Variants in FRRS1 observed in about 807,000 individuals in gnomAD.
The protein encoded by FRRS1 is ferric chelate reductase 1.
FRRS1 carries 51 observed loss-of-function variants against 70.7 expected under a neutral mutation model. The observed-to-expected ratio is 0.72, with a 90% CI of 0.58 to 0.91. The LOEUF (loss-of-function observed/expected upper bound fraction) is 0.91, where lower values mean the gene tolerates loss of function less well. FRRS1 is among the 40% of genes least tolerant of loss of function. The pLI, the probability that FRRS1 is intolerant of heterozygous loss-of-function variation, is 0.00. For synonymous variants in FRRS1, 225 were observed against 238.7 expected, an observed-to-expected ratio of 0.94 and a Z score of 0.53; for missense variants, 672 against 726.0, an observed-to-expected ratio of 0.93 and a Z score of 0.86.
rs1553169357 is a variant in FRRS1 at position 99,708,625 on chromosome 1, A to AAATAT, written c.*402_*403insATATT. On this transcript the variant is annotated 3_prime_UTR_variant, in exon 17 of 17. Coordinates refer to ENST00000646001, the MANE Select transcript of FRRS1 (RefSeq NM_001361041.2). ...AAAAAAAAAAAAAAAAAAAAAAAAA[A>AAATAT]ATATATATATATATATATATATATA... 1.1e-4 allele frequency: 6 copies of AAATAT among 52,742 alleles called. No individual in the cohort carries two copies. The highest frequency in any genetic ancestry group is 1.8e-4 in the Non-Finnish European group (6 of 32,526). The allele number at this position is 52,742 out of a possible 1,614,324, so 3.3% of individuals were successfully genotyped here. A position where few individuals can be genotyped will look rare whatever the true frequency, so the allele number is the denominator to read the frequency against.
intron 1 of FRRS1, among the ~76,000 whole-genome samples, chr1:99,754,703 A>G (rs191882608): frequency 1.4e-4 from 21 of 152,344 alleles, no homozygotes; most frequent in African/African-American, 4.6e-4. Flanking sequence ...CATAAGATAC[A>G]ACTTAATAAA....
chr1:99,737,878 G>A (rs928276584), intron 7 of FRRS1, among the ~76,000 whole-genome samples: 33 of 151,976 alleles, frequency 2.2e-4, no homozygotes, highest in Non-Finnish European at 2.4e-4. Flanking sequence ...GTGCAGCCGG[G>A]ATTACAAGCG....
Position 99,708,641 on chromosome 1 carries a change from T to A in FRRS1, c.*387A>T, listed in dbSNP as rs866462090. Reference sequence around the variant, plus strand: ...AAAAAAAAAAATATATATATATATATATATATATATATATATATATATCGT... The same window carrying A: ...AAAAAAAAAAATATATATATATATAAATATATATATATATATATATATCGT... On this transcript the variant is annotated 3_prime_UTR_variant, in exon 17 of 17. Coordinates refer to ENST00000646001, the MANE Select transcript of FRRS1 (RefSeq NM_001361041.2). 21 of 115,170 alleles carry A rather than the reference T, an allele frequency of 1.8e-4. No individual in the cohort carries two copies. Among genetic ancestry groups the A allele is most frequent in the South Asian group, 3.1e-4 (1 of 3,188 alleles). 7.1% of individuals were successfully genotyped at this position (115,170 alleles called of 1,614,324 possible).
intron 9 of FRRS1, among the ~76,000 whole-genome samples, chr1:99,721,303 C>A (rs760804211): frequency 1.3e-5 from 2 of 151,224 alleles, no homozygotes; most frequent in East Asian, 3.9e-4. Context: ...CACTTGAACA[C>A]TTGAACCCAG....
chr1:99,706,755 CTGG>C lies in FRRS1; in HGVS notation c.*2270_*2272del, dbSNP rs1557680079. Among the ~76,000 whole-genome samples, 1 of 151,980 alleles carries C rather than the reference CTGG, an allele frequency of 6.6e-6. No individual in the cohort carries two copies. Among genetic ancestry groups the C allele is most frequent in the Non-Finnish European group, 1.5e-5 (1 of 68,004 alleles). The stretch of plus-strand genomic sequence containing the variant: ...CTAAAAATATAAAAATTAGCCGAGA[CTGG>C]TGGTGCACACCTGTAGTCCCAGCTA... On this transcript the variant is annotated 3_prime_UTR_variant, in exon 17 of 17. Transcript: ENST00000646001.
At chr1:99,765,502 G>A in intron 1 of FRRS1, 1 of 152,422 alleles carries the variant, frequency 6.6e-6, no homozygotes, top group South Asian at 2.1e-4. Context: ...TCAGGAGGCT[G>A]AGGCAGGAGA....
chr1:99,711,058 T>G (rs920040074), intron 14 of FRRS1, 109 bp from the exon 15 acceptor site: 5 of 932,172 alleles, frequency 5.4e-6, no homozygotes, highest in Admixed American at 2.8e-5. Context: ...GAGTTTGAGA[T>G]AAAAGAAGAT....
At chr1:99,720,510 T>A (rs1320807945) in intron 9 of FRRS1, among the ~76,000 whole-genome samples, 1 of 152,064 alleles carries the variant, frequency 6.6e-6, no homozygotes, top group East Asian at 1.9e-4. Context: ...TATATGAACC[T>A]TTGTCTAAAA....
intron 1 of FRRS1, among the ~76,000 whole-genome samples, chr1:99,760,524 A>G (rs376870051): frequency 4.8e-4 from 73 of 152,350 alleles, no homozygotes; most frequent in South Asian, 3.9e-3. Flanking sequence ...GAAAAAAATG[A>G]TTTTTTTAAA....
chr1:99,745,639 G>A (rs181772718), intron 4 of FRRS1, among the ~76,000 whole-genome samples: 16 of 152,108 alleles, frequency 1.1e-4, no homozygotes, highest in African/African-American at 1.4e-4. Context: ...AGCTGAGATC[G>A]CACCACTGCA....
intron 4 of FRRS1, among the ~76,000 whole-genome samples, chr1:99,743,283 C>CA (rs954266365): frequency 4.0e-4 from 60 of 151,696 alleles, no homozygotes; most frequent in Admixed American, 1.5e-3. Flanking sequence ...AAAAGAACCC[C>CA]AAAAAAAACT....
intron 1 of FRRS1, among the ~76,000 whole-genome samples, chr1:99,766,038 T>C (rs1367772299): frequency 6.6e-6 from 1 of 152,156 alleles, no homozygotes; most frequent in Non-Finnish European, 1.5e-5. Context: ...AAAAATCCCC[T>C]TTACCCTTTA....
intron 7 of FRRS1, among the ~76,000 whole-genome samples, chr1:99,732,958 C>T (rs1053422265): frequency 1.3e-5 from 2 of 151,938 alleles, no homozygotes; most frequent in Non-Finnish European, 2.9e-5. Context: ...ATCCTCCCAC[C>T]TCAGCCTCCC....
At chr1:99,748,335 C>T (rs977127338) in intron 3 of FRRS1, 11 of 360,278 alleles carry the variant, frequency 3.1e-5, no homozygotes, top group Non-Finnish European at 3.4e-5. Flanking sequence ...GAAGTGATAG[C>T]ACAATTAATA....
At chr1:99,750,526 G>T (rs1234415199) in intron 1 of FRRS1, among the ~76,000 whole-genome samples, 3 of 152,174 alleles carry the variant, frequency 2.0e-5, no homozygotes, top group Non-Finnish European at 4.4e-5. Flanking sequence ...CAAATGCACA[G>T]AGATGGAAAT....
rs28667763 is a variant in FRRS1 at position 99,728,595 on chromosome 1, G to T, written c.904C>A (p.Gln302Lys). 1.2e-4 allele frequency: 196 copies of T among 1,613,770 alleles called. No individual in the cohort carries two copies. The African/African-American group carries it at 2.5e-3, about 20-fold the overall frequency. The change falls in exon 9 of 17, where the codon CAG (glutamine) becomes AAG (lysine). Residue 302 changes from glutamine (Q) to lysine (K), a missense_variant. Coordinates refer to ENST00000646001, the MANE Select transcript of FRRS1 (RefSeq NM_001361041.2). ...GTAATGTTTCTTCTGAAAGAACACT[G>T]CATAACACCGTCCGCCAACCTCCAA... is the stretch of plus-strand genomic sequence containing the variant. ...MAWRLADGVM[Q>K]CSFRRNITLP...
At chr1:99,735,981 G>A (rs1157738832) in intron 7 of FRRS1, among the ~76,000 whole-genome samples, 1 of 152,154 alleles carries the variant, frequency 6.6e-6, no homozygotes, top group Admixed American at 6.5e-5. Context: ...CTAAATGAGT[G>A]CTGTAACTCA....
chr1:99,709,314 A>G, intron 15 of FRRS1, 55 bp from the exon 16 acceptor site: 1 of 1,316,274 alleles, frequency 7.6e-7, no homozygotes, highest in Non-Finnish European at 1.1e-6. Flanking sequence ...GGTAAATTAA[A>G]TTTTTTAAAA....
At chr1:99,740,992 C>T in intron 5 of FRRS1, 52 bp from the exon 6 acceptor site, 1 of 1,474,720 alleles carries the variant, frequency 6.8e-7, no homozygotes, top group Non-Finnish European at 9.4e-7. Context: ...CTGTCACAAT[C>T]AGATCAAAAC....
Sources: allele counts gnomAD v4.1 joint callset (sites outside exome capture counted in the v4.1 genomes callset), GRCh38; gene constraint gnomAD v4.1.1; transcripts MANE v1.5; gene names NCBI Gene and HGNC (gene_info 2026-07-23, HGNC 2026-07-21).